The following FBXL7 variants were observed in gnomAD, a reference collection of about 807,000 sequenced individuals.
FBXL7 encodes the protein F-box/LRR-repeat protein 7.
In FBXL7, 12 loss-of-function variants were observed where a neutral mutation model predicts 38.3. The ratio of observed to expected loss-of-function variants is 0.31; its 90% CI spans 0.20 to 0.51. The LOEUF is 0.51. FBXL7 is among the 20% of genes least tolerant of loss of function. FBXL7 has a pLI of 0.98. For synonymous variants in FBXL7, 297 were observed against 300.9 expected (o/e 0.99, Z 0.13); for missense variants, 567 against 676.4 (o/e 0.84, Z 1.79).
chr5:15,818,980 C>T (rs1414417849), intron 2 of FBXL7, among the ~76,000 whole-genome samples: 3 of 152,018 alleles, frequency 2.0e-5, no homozygotes, highest in Admixed American at 6.6e-5. Context: ...TGTTGTTTAT[C>T]GTTAATGTCC....
chr5:15,532,288 C>CT (rs1737453800), intron 1 of FBXL7, among the ~76,000 whole-genome samples: 1 of 152,160 alleles, frequency 6.6e-6, no homozygotes, highest in Admixed American at 6.5e-5. Context: ...TAATATTGCC[C>CT]TACACCCTTT....
chr5:15,651,727 T>C (rs6897885), intron 2 of FBXL7, among the ~76,000 whole-genome samples: 15,600 of 152,270 alleles, frequency 0.1, 1,062 homozygotes, highest in Non-Finnish European at 0.15. Flanking sequence ...GAATGGCAGA[T>C]AGCATTGGCT....
intron 2 of FBXL7, among the ~76,000 whole-genome samples, chr5:15,639,956 T>C (rs1741305011): frequency 6.6e-6 from 1 of 152,064 alleles, no homozygotes; most frequent in Non-Finnish European, 1.5e-5. Context: ...TAGAAAGGTC[T>C]TTTCCGTAAT....
chr5:15,871,662 G>A (rs191600984), intron 2 of FBXL7, among the ~76,000 whole-genome samples: 96 of 152,170 alleles, frequency 6.3e-4, no homozygotes, highest in African/African-American at 2.3e-3. Flanking sequence ...GCATACACAA[G>A]TATCAATAGC....
intron 2 of FBXL7, among the ~76,000 whole-genome samples, chr5:15,894,205 G>A (rs1450210855): frequency 6.6e-6 from 1 of 152,228 alleles, no homozygotes; most frequent in African/African-American, 2.4e-5. Flanking sequence ...AGATTGCGGT[G>A]AGCCGAGATC....
chr5:15,891,800 G>A (rs1036255143), intron 2 of FBXL7, among the ~76,000 whole-genome samples: 1 of 152,242 alleles, frequency 6.6e-6, no homozygotes, highest in Non-Finnish European at 1.5e-5. Flanking sequence ...GGTATAGACA[G>A]TACCCACGGA....
At chr5:15,558,248 C>T (rs1209220466) in intron 1 of FBXL7, among the ~76,000 whole-genome samples, 1 of 152,216 alleles carries the variant, frequency 6.6e-6, no homozygotes, top group South Asian at 2.1e-4. Flanking sequence ...ATTAACAGCA[C>T]CATGCACGGT....
intron 2 of FBXL7, among the ~76,000 whole-genome samples, chr5:15,643,695 G>T (rs889970692): frequency 1.3e-5 from 2 of 152,192 alleles, no homozygotes; most frequent in Non-Finnish European, 2.9e-5. Flanking sequence ...CTCAATACAA[G>T]GTTGATGGAG....
intron 1 of FBXL7, among the ~76,000 whole-genome samples, chr5:15,531,992 T>C (rs1449595061): frequency 6.6e-6 from 1 of 152,246 alleles, no homozygotes; most frequent in Non-Finnish European, 1.5e-5. Flanking sequence ...AGCTATAAAA[T>C]GGAGGTAATT....
intron 1 of FBXL7, among the ~76,000 whole-genome samples, chr5:15,575,839 C>T (rs1738942272): frequency 6.6e-6 from 1 of 152,180 alleles, no homozygotes; most frequent in Non-Finnish European, 1.5e-5. Flanking sequence ...ATGCCTGTCT[C>T]ATTGTACACT....
intron 2 of FBXL7, among the ~76,000 whole-genome samples, chr5:15,925,010 A>G (rs2126452775): frequency 6.6e-6 from 1 of 152,232 alleles, no homozygotes; most frequent in Non-Finnish European, 1.5e-5. Flanking sequence ...TTCCTCTAAC[A>G]TTTTCTGCCA....
chr5:15,708,059 A>G (rs1365587845), intron 2 of FBXL7, among the ~76,000 whole-genome samples: 1 of 152,108 alleles, frequency 6.6e-6, no homozygotes, highest in African/African-American at 2.4e-5. Context: ...TTGTATTTCT[A>G]TGCCAAACAT....
chr5:15,928,612 G>A lies in FBXL7; in HGVS notation c.739+111G>A. ...TCTTCTTGCAAGCCATCAGAGATGG[G>A]GGCGGGTGGTAGGGAGGCTGGCTTT... On this transcript the variant is annotated intron_variant, in intron 3 of 3. Coordinates refer to ENST00000504595, the MANE Select transcript of FBXL7 (RefSeq NM_012304.5). The surrounding 1 kb of genome is among the most constrained non-coding windows in gnomAD (Gnocchi z 4.0). The A allele has an allele frequency of 7.1e-7, 1 of 1,402,268 alleles. No homozygotes were observed. Among genetic ancestry groups the A allele is most frequent in the Admixed American group, 2.2e-5 (1 of 45,268 alleles). The allele number at this position is 1,402,268 out of a possible 1,614,324, so 86.9% of individuals were successfully genotyped here. A position where few individuals can be genotyped will look rare whatever the true frequency, so the allele number is the denominator to read the frequency against.
intron 2 of FBXL7, among the ~76,000 whole-genome samples, chr5:15,623,707 A>G (rs536909564): frequency 1.3e-5 from 2 of 152,314 alleles, no homozygotes; most frequent in Non-Finnish European, 2.9e-5. Context: ...CTCTAGGTGA[A>G]TTCTGTTTCC....
intron 1 of FBXL7, among the ~76,000 whole-genome samples, chr5:15,603,500 C>T (rs1739874845): frequency 6.6e-6 from 1 of 152,190 alleles, no homozygotes; most frequent in Non-Finnish European, 1.5e-5. Flanking sequence ...TTAGTAAAGC[C>T]AGAATTCAGG....
intron 1 of FBXL7, among the ~76,000 whole-genome samples, chr5:15,522,368 T>C (rs1424188242): frequency 6.6e-6 from 1 of 152,190 alleles, no homozygotes; most frequent in Non-Finnish European, 1.5e-5. Context: ...GGTTTATTTG[T>C]TTCTCATAAT....
intron 1 of FBXL7, among the ~76,000 whole-genome samples, chr5:15,542,194 T>TG (rs1737771897): frequency 6.6e-6 from 1 of 152,174 alleles, no homozygotes. Context: ...AAAGTTTTTT[T>TG]TTTAAATACC....
At chr5:15,632,325 TATAAC>T in intron 2 of FBXL7, among the ~76,000 whole-genome samples, 1 of 152,186 alleles carries the variant, frequency 6.6e-6, no homozygotes, top group South Asian at 2.1e-4. Context: ...TTCTTATTTT[TATAAC>T]AAAAAGACAT....
chr5:15,687,455 A>G (rs894658757), intron 2 of FBXL7, among the ~76,000 whole-genome samples: 2 of 152,208 alleles, frequency 1.3e-5, no homozygotes, highest in Admixed American at 6.5e-5. Context: ...AGAGGCCCAC[A>G]TGCACTCACT....
Sources: gnomAD v4.1 joint callset for allele counts (sites outside exome capture counted in the v4.1 genomes callset) on GRCh38, gnomAD v4.1.1 for gene constraint, Gnocchi (gnomAD v3.1) non-coding constraint, MANE v1.5 for transcripts, NCBI Gene and HGNC (gene_info 2026-07-23, HGNC 2026-07-21) for gene names.